Variants in MAD1L1 observed in about 807,000 individuals in gnomAD.
MAD1L1 encodes the protein mitotic spindle assembly checkpoint protein MAD1.
MAD1L1 carries 95 observed loss-of-function variants against 96.9 expected under a neutral mutation model. The ratio of observed to expected loss-of-function variants is 0.98; its 90% confidence interval spans 0.83 to 1.16. The LOEUF (loss-of-function observed/expected upper bound fraction) is 1.16, where lower values mean the gene tolerates loss of function less well. MAD1L1 is among the 50% of genes most tolerant of loss of function. The pLI, the probability that MAD1L1 is intolerant of heterozygous loss-of-function variation, is 0.00. For synonymous variants in MAD1L1, 473 were observed against 396.6 expected (o/e 1.19, Z -2.29); for missense variants, 1,007 against 954.4 (o/e 1.06, Z -0.73).
At chr7:2,057,857 T>C (rs1235216087) in intron 12 of MAD1L1, among the ~76,000 whole-genome samples, 1 of 152,214 alleles carries the variant, frequency 6.6e-6, no homozygotes, top group Non-Finnish European at 1.5e-5. Context: ...CGCTTACTGA[T>C]GGATTACCAA....
At chr7:2,230,850 G>A (rs1424483247) in intron 1 of MAD1L1, 123 bp from the exon 2 acceptor site, 1 of 152,284 alleles carries the variant, frequency 6.6e-6, no homozygotes, top group Non-Finnish European at 1.5e-5. Context: ...CTGACTCTGA[G>A]GATGGATCTT....
intron 10 of MAD1L1, among the ~76,000 whole-genome samples, chr7:2,202,716 G>A (rs916480273): frequency 1.3e-5 from 2 of 152,168 alleles, no homozygotes; most frequent in Non-Finnish European, 2.9e-5. Context: ...CACCACCAGG[G>A]CGTCTGGTAT....
At chr7:1,911,535 G>A (rs1347354985) in intron 17 of MAD1L1, among the ~76,000 whole-genome samples, 1 of 152,240 alleles carries the variant, frequency 6.6e-6, no homozygotes, top group Non-Finnish European at 1.5e-5. Flanking sequence ...AACGCATGGT[G>A]CTCATTTCTG....
chr7:2,159,050 C>G (rs969837846), intron 10 of MAD1L1, among the ~76,000 whole-genome samples: 1 of 152,226 alleles, frequency 6.6e-6, no homozygotes, highest in Non-Finnish European at 1.5e-5. Context: ...CTCTTCCCAG[C>G]AGACAGAGGA....
At chr7:2,025,396 G>A (rs751559105) in intron 12 of MAD1L1, among the ~76,000 whole-genome samples, 1 of 152,152 alleles carries the variant, frequency 6.6e-6, no homozygotes, top group African/African-American at 2.4e-5. Context: ...AGGTTCAAAG[G>A]GTTGTAGGCT....
chr7:2,040,387 T>C (rs879212710), intron 12 of MAD1L1, among the ~76,000 whole-genome samples: 1 of 152,184 alleles, frequency 6.6e-6, no homozygotes, highest in Non-Finnish European at 1.5e-5. Flanking sequence ...CTTTGTTCCT[T>C]TTATTCCATC....
chr7:1,882,849 C>A (rs1211608244), intron 18 of MAD1L1, among the ~76,000 whole-genome samples: 2 of 152,344 alleles, frequency 1.3e-5, no homozygotes, highest in East Asian at 1.9e-4. Flanking sequence ...AAGGCACTGG[C>A]AGTTTTGCTC....
At chr7:2,024,473 G>A (rs1782915108) in intron 12 of MAD1L1, among the ~76,000 whole-genome samples, 1 of 152,220 alleles carries the variant, frequency 6.6e-6, no homozygotes, top group Admixed American at 6.5e-5. Context: ...AGAAAGATCA[G>A]CATGTTGCTG....
At chr7:2,152,724 C>T (rs554572331) in intron 10 of MAD1L1, among the ~76,000 whole-genome samples, 1 of 152,312 alleles carries the variant, frequency 6.6e-6, no homozygotes, top group African/African-American at 2.4e-5. Flanking sequence ...CTTCCAAAAC[C>T]CTACGGCACA....
intron 17 of MAD1L1, among the ~76,000 whole-genome samples, chr7:1,903,504 T>G (rs1480136758): frequency 6.8e-6 from 1 of 146,746 alleles, no homozygotes; most frequent in African/African-American, 2.7e-5. Flanking sequence ...GATCAAGCAC[T>G]GTTCCAGGCA....
chr7:2,062,960 G>A (rs553966379), intron 12 of MAD1L1, among the ~76,000 whole-genome samples: 3 of 152,324 alleles, frequency 2.0e-5, no homozygotes, highest in Admixed American at 6.5e-5. Flanking sequence ...CCACAGAAGC[G>A]TGGCTCTATG....
At chr7:1,985,652 T>C (rs539868574) in intron 14 of MAD1L1, among the ~76,000 whole-genome samples, 1 of 152,236 alleles carries the variant, frequency 6.6e-6, no homozygotes, top group Admixed American at 6.5e-5. Context: ...ATACATGACA[T>C]GTAGCACTTA....
intron 18 of MAD1L1, among the ~76,000 whole-genome samples, chr7:1,896,150 C>T (rs1431972549): frequency 2.0e-5 from 3 of 152,224 alleles, no homozygotes; most frequent in Non-Finnish European, 4.4e-5. Context: ...CTGGGGCCCC[C>T]TTCCTGCCTC....
intron 10 of MAD1L1, among the ~76,000 whole-genome samples, chr7:2,206,724 T>C (rs534382461): frequency 6.6e-6 from 1 of 152,270 alleles, no homozygotes; most frequent in Non-Finnish European, 1.5e-5. Context: ...CTGTATAACT[T>C]GTTCTTTTTT....
At chr7:2,089,961 G>T (rs995941322) in intron 11 of MAD1L1, among the ~76,000 whole-genome samples, 9 of 152,182 alleles carry the variant, frequency 5.9e-5, no homozygotes, top group Admixed American at 5.2e-4. Flanking sequence ...CAGGGACAGG[G>T]AACACCAACC....
chr7:2,015,690 C>G (rs966863670), intron 12 of MAD1L1, among the ~76,000 whole-genome samples: 8 of 152,224 alleles, frequency 5.3e-5, no homozygotes, highest in African/African-American at 1.7e-4. Flanking sequence ...CGCAGGCTGG[C>G]GACCTTCTCC....
Position 1,964,640 on chromosome 7 carries a change from C to T in MAD1L1, c.1506-6921G>A, listed in dbSNP as rs772343141. Among the ~76,000 whole-genome samples the T allele has an allele frequency of 3.9e-5, 6 of 152,196 alleles. 1 individual carries two copies. Among genetic ancestry groups the T allele is most frequent in the African/African-American group, 9.6e-5 (4 of 41,454 alleles). ...TGACTTACTGCAACTTTTTTAAACA[C>T]GAGGAGCGCTACATAAATTAGCTGC... On this transcript the variant is annotated intron_variant, in intron 15 of 18. Coordinates refer to ENST00000265854, the MANE Select transcript of MAD1L1 (RefSeq NM_001013836.2).
intron 15 of MAD1L1, among the ~76,000 whole-genome samples, chr7:1,978,566 C>T (rs991734887): frequency 2.6e-5 from 4 of 152,196 alleles, no homozygotes; most frequent in African/African-American, 4.8e-5. Context: ...AGGAAAGAGA[C>T]TGCATGCTCA....
chr7:2,095,673 G>A (rs770604085), intron 11 of MAD1L1, among the ~76,000 whole-genome samples: 13 of 152,242 alleles, frequency 8.5e-5, no homozygotes, highest in East Asian at 1.9e-4. Flanking sequence ...TCCCTGAGCC[G>A]CTGTCATCAC....
Sources: gnomAD v4.1 joint callset for allele counts (sites outside exome capture counted in the v4.1 genomes callset) on GRCh38, gnomAD v4.1.1 for gene constraint, MANE v1.5 for transcripts, NCBI Gene and HGNC (gene_info 2026-07-23, HGNC 2026-07-21) for gene names.